Variants in SKIC2 observed in about 807,000 individuals in gnomAD.
SKIC2 encodes the protein SKI2 subunit of superkiller complex, also known as superkiller complex protein 2.
At chr6:31,966,693 T>C in the SKIC2 span, 2 of 1,613,856 alleles carry the variant, frequency 1.2e-6, no homozygotes, top group Non-Finnish European at 1.7e-6. This position sits in a 1 kb window ranked among gnomAD's most constrained non-coding sequence, Gnocchi z 5.9. Context: ...CAGTGACTTC[T>C]GTGACCTGAC....
chr6:31,965,651 G>C, the SKIC2 span: 1 of 601,460 alleles, frequency 1.7e-6, no homozygotes, highest in Non-Finnish European at 3.0e-6. The surrounding 1 kb of genome is among the most constrained non-coding windows in gnomAD (Gnocchi z 5.6). Flanking sequence ...TTTGCCTGGA[G>C]AGTTCAGTGA....
chr6:31,965,892 C>T, the SKIC2 span: 2 of 1,613,076 alleles, frequency 1.2e-6, no homozygotes, highest in Non-Finnish European at 1.7e-6. This position sits in a 1 kb window ranked among gnomAD's most constrained non-coding sequence, Gnocchi z 5.6. Context: ...GACCTGCTCC[C>T]TGGGGAGTAT....
the SKIC2 span, chr6:31,960,642 CCTGT>C: frequency 6.3e-7 from 1 of 1,584,284 alleles, no homozygotes; most frequent in South Asian, 1.1e-5. Flanking sequence ...CCCATGAATC[CCTGT>C]CTGTCCTGTC....
the SKIC2 span, chr6:31,959,986 C>T: frequency 1.3e-6 from 2 of 1,506,966 alleles, no homozygotes; most frequent in Non-Finnish European, 1.8e-6. Context: ...TTACCTAATG[C>T]CTCTCATCTT....
At chr6:31,962,151 A>T in the SKIC2 span, 16 of 1,288,976 alleles carry the variant, frequency 1.2e-5, no homozygotes, top group Admixed American at 1.6e-4. The surrounding 1 kb of genome is among the most constrained non-coding windows in gnomAD (Gnocchi z 5.0). Context: ...TCTCTAGCTC[A>T]TCCTTTAAGT....
chr6:31,960,484 G>A, the SKIC2 span: 7 of 1,614,112 alleles, frequency 4.3e-6, no homozygotes, highest in Admixed American at 3.3e-5. Flanking sequence ...TCTCTTCGCC[G>A]GCCTCCAGGG....
At chr6:31,962,007 A>T in the SKIC2 span, 1 of 1,613,074 alleles carries the variant, frequency 6.2e-7, no homozygotes, top group Non-Finnish European at 8.5e-7. This position sits in a 1 kb window ranked among gnomAD's most constrained non-coding sequence, Gnocchi z 5.0. Flanking sequence ...CAGGAAAAAC[A>T]GTTGTGGCTG....
chr6:31,967,975 G>A, the SKIC2 span: 1 of 1,613,106 alleles, frequency 6.2e-7, no homozygotes, highest in Non-Finnish European at 8.5e-7. The surrounding 1 kb of genome is among the most constrained non-coding windows in gnomAD (Gnocchi z 4.9). Flanking sequence ...ACCACACCGT[G>A]GTCAAGCTCC....
At chr6:31,959,411 T>G in the SKIC2 span, 1 of 1,593,174 alleles carries the variant, frequency 6.3e-7, no homozygotes, top group Non-Finnish European at 8.6e-7. Flanking sequence ...GTGAGTGACT[T>G]TTGACCCTAA....
the SKIC2 span, chr6:31,964,080 G>T: frequency 6.2e-7 from 1 of 1,612,572 alleles, no homozygotes; most frequent in African/African-American, 1.3e-5. This position sits in a 1 kb window ranked among gnomAD's most constrained non-coding sequence, Gnocchi z 5.0. Flanking sequence ...TCTTCCTGCA[G>T]CGCTGCCTTG....
At chr6:31,962,642 GGA>G in the SKIC2 span, 1 of 1,608,342 alleles carries the variant, frequency 6.2e-7, no homozygotes, top group South Asian at 1.1e-5. The surrounding 1 kb of genome is among the most constrained non-coding windows in gnomAD (Gnocchi z 5.0). Flanking sequence ...TGGCCGTTGT[GGA>G]GAGTGTGCTG....
At chr6:31,960,083 C>T in the SKIC2 span, 3 of 1,613,062 alleles carry the variant, frequency 1.9e-6, no homozygotes, top group Non-Finnish European at 2.5e-6. Flanking sequence ...TCATCCCCAG[C>T]CTGGCTGCCT....
the SKIC2 span, chr6:31,967,576 G>A: frequency 3.1e-6 from 3 of 967,946 alleles, no homozygotes; most frequent in East Asian, 2.4e-5. This position sits in a 1 kb window ranked among gnomAD's most constrained non-coding sequence, Gnocchi z 4.9. Context: ...TGCTCTGATC[G>A]CTTGACTTGG....
chr6:31,959,447 C>T, the SKIC2 span: 3 of 1,212,116 alleles, frequency 2.5e-6, no homozygotes, highest in African/African-American at 1.5e-5. Flanking sequence ...GAGTCCAAAC[C>T]TCCTTCACCC....
chr6:31,966,986 C>G, the SKIC2 span: 1 of 1,612,938 alleles, frequency 6.2e-7, no homozygotes. The surrounding 1 kb of genome is among the most constrained non-coding windows in gnomAD (Gnocchi z 5.9). Flanking sequence ...TTCACAGCTT[C>G]CCCTGCTCCC....
chr6:31,959,188 C>T, the SKIC2 span: 3 of 1,610,306 alleles, frequency 1.9e-6, no homozygotes, highest in Non-Finnish European at 2.5e-6. Context: ...TGCTGTGGCT[C>T]CAGGATGATG....
the SKIC2 span, chr6:31,968,822 G>C: frequency 1.2e-6 from 2 of 1,609,682 alleles, no homozygotes; most frequent in African/African-American, 2.7e-5. The surrounding 1 kb of genome is among the most constrained non-coding windows in gnomAD (Gnocchi z 6.1). Flanking sequence ...GTTGGGGCAG[G>C]GGGGCTAGGG....
At chr6:31,961,449 G>A in the SKIC2 span, 1 of 1,529,694 alleles carries the variant, frequency 6.5e-7, no homozygotes, top group Non-Finnish European at 8.8e-7. Context: ...GGCTGGCTAG[G>A]ATGGGTCTGA....
At chr6:31,964,989 G>A in the SKIC2 span, among the ~76,000 whole-genome samples, 3,835 of 152,050 alleles carry the variant, frequency 0.025, 63 homozygotes, top group African/African-American at 0.027. The surrounding 1 kb of genome is among the most constrained non-coding windows in gnomAD (Gnocchi z 5.0). Context: ...ATGGTGGCAG[G>A]TGCCTGTAGT....
Sources: gnomAD v4.1 joint callset for allele counts (sites outside exome capture counted in the v4.1 genomes callset) on GRCh38, gnomAD v4.1.1 for gene constraint, Gnocchi (gnomAD v3.1) non-coding constraint, MANE v1.5 for transcripts, NCBI Gene and HGNC (gene_info 2026-07-23, HGNC 2026-07-21) for gene names.